Variants in BTK observed in about 807,000 individuals in gnomAD.
BTK encodes the protein tyrosine-protein kinase BTK.
BTK carries 5 observed loss-of-function variants against 57.4 expected under a neutral mutation model. That is an observed-to-expected ratio of 0.09 (90% CI 0.05 to 0.18). BTK has a LOEUF of 0.18. BTK is among the 10% of genes least tolerant of loss of function. The pLI is 1.00. For synonymous variants in BTK, 154 were observed against 174.3 expected (o/e 0.88, Z 0.92); for missense variants, 194 against 501.2 (o/e 0.39, Z 5.85).
rs782264410 is a variant in BTK at position 101,360,112 on chromosome X, G to A, written c.815C>T (p.Ala272Val). 2 of 1,205,046 alleles carry A rather than the reference G, an allele frequency of 1.7e-6. No individual in the cohort carries two copies. The highest frequency in any genetic ancestry group is 1.8e-5 in the South Asian group (1 of 56,791). ...GYIPSNYVTEAEDSIEMYEWY... is the reference protein window; with the variant it reads ...GYIPSNYVTEVEDSIEMYEWY... ...CTCATACATTTCTATGGAGTCTTCT[G>A]CTTCAGTGACATAGTTACTAGGAAT... The change falls in exon 9 of 19, where the codon GCA becomes GTA. Residue 272 changes from alanine to valine, a missense_variant. By Grantham distance (64) the Ala-to-Val change is moderately conservative (BLOSUM62 0). This residue lies in a region of BTK where 115 missense variants were observed against 258.3 expected (regional missense o/e 0.45). Coordinates refer to ENST00000308731, the MANE Select transcript of BTK (RefSeq NM_000061.3).
rs2301175 is a variant in BTK at position 101,370,305 on chromosome X, C to T, written c.310-226G>A. Among the ~76,000 whole-genome samples, 13,607 of 111,386 alleles carry T rather than the reference C, an allele frequency of 0.12. 799 individuals carry two copies. Among genetic ancestry groups the T allele is most frequent in the South Asian group, 0.27 (719 of 2,673 alleles). On this transcript the variant is annotated intron_variant, in intron 4 of 18. Transcript: ENST00000308731. ...TTAAAAGCTCTTAGAATTTTTCATA[C>T]TCTTAGGTCCTCCTGACTTGTGCTT... is the stretch of plus-strand genomic sequence containing the variant.
rs199950200 is a variant in BTK, at chrX:101,350,089, G to GA, written c.1909-134dup. 47,816 of 317,502 alleles carry GA rather than the reference G, an allele frequency of 0.15. 2,131 individuals are homozygous for GA. Among genetic ancestry groups the GA allele is most frequent in the African/African-American group, 0.34 (10,461 of 30,672 alleles). 26.2% of individuals were successfully genotyped at this position (317,502 alleles called of 1,213,427 possible). ...TAGCATGCCCTGTCGATTACAAAAG[G>GA]AAAAAAAAAAAAAAAAGAAATAGCA... On this transcript the variant is annotated intron_variant, in intron 18 of 18. Transcript: ENST00000308731.
At position 101,374,649 on chromosome X, in the gene BTK, G is replaced by A. The variant is rs1477023102; in HGVS notation, c.142-15C>T. 4.3e-6 allele frequency: 5 copies of A among 1,151,967 alleles called. No individual in the cohort carries two copies. Among genetic ancestry groups the A allele is most frequent in the Admixed American group, 2.2e-5 (1 of 45,638 alleles). 94.9% of individuals were successfully genotyped at this position (1,151,967 alleles called of 1,213,427 possible). On this transcript the variant is annotated splice_polypyrimidine_tract_variant and intron_variant, in intron 2 of 18. Transcript: ENST00000308731. ...CTGCCTCTTCTCTGAGAAGTAGAAT[G>A]AGGAAGAAAATGGAGAAAGATTAAG...
chrX:101,360,812 T>G, intron 7 of BTK, 57 bp from the exon 8 acceptor site: 1 of 1,104,660 alleles, frequency 9.1e-7, no homozygotes, highest in Non-Finnish European at 1.3e-6. Context: ...CACTCTTCTC[T>G]TCTCTCCCAA....
intron 18 of BTK, among the ~76,000 whole-genome samples, chrX:101,352,162 C>CAAAAA (rs35710840): frequency 3.7e-5 from 2 of 53,689 alleles, no homozygotes; most frequent in Admixed American, 4.4e-4. Flanking sequence ...GACTCGGTCT[C>CAAAAA]AAAAAAAAAA....
intron 18 of BTK, among the ~76,000 whole-genome samples, chrX:101,350,592 G>A (rs1199390863): frequency 5.5e-5 from 6 of 109,234 alleles, no homozygotes; most frequent in African/African-American, 3.3e-5. Context: ...GATTACAGGT[G>A]CACGCCATCA....
intron 5 of BTK, among the ~76,000 whole-genome samples, chrX:101,367,839 T>C (rs1191826395): frequency 9.0e-6 from 1 of 111,097 alleles, no homozygotes; most frequent in Non-Finnish European, 1.9e-5. Flanking sequence ...CATTTATCGA[T>C]GTGGAGCCCA....
Position 101,369,933 on chromosome X carries a change from G to A in BTK, c.391+65C>T, listed in dbSNP as rs182686557. 128 of 989,561 alleles carry A rather than the reference G, an allele frequency of 1.3e-4. No individual in the cohort carries two copies. The East Asian group carries it at 2.3e-3, about 18-fold the overall frequency. The allele number at this position is 989,561 out of a possible 1,213,427, so 81.6% of individuals were successfully genotyped here. Reference sequence around the variant, plus strand: ...CTCTTCCTTCTTTCCTTTTCCTCCCGTCTATCTCCTCTTCCTTCCTTTCCT... The same window carrying A: ...CTCTTCCTTCTTTCCTTTTCCTCCCATCTATCTCCTCTTCCTTCCTTTCCT... On this transcript the variant is annotated intron_variant, in intron 5 of 18. Coordinates refer to ENST00000308731, the MANE Select transcript of BTK (RefSeq NM_000061.3).
upstream of BTK, among the ~76,000 whole-genome samples, chrX:101,389,467 A>G (rs1927717003): frequency 9.0e-6 from 1 of 111,472 alleles, no homozygotes; most frequent in Non-Finnish European, 1.9e-5. Context: ...TGGCAAAGAA[A>G]TTTTCAGGAA....
At chrX:101,357,610 T>C (rs1037627460) in intron 12 of BTK, 27 bp from the exon 13 acceptor site, 55 of 1,163,868 alleles carry the variant, frequency 4.7e-5, no homozygotes, top group Non-Finnish European at 5.6e-5. Flanking sequence ...GGTCATGCTG[T>C]TGGTGTGGTG....
chrX:101,355,580 C>A (rs1603003920), intron 15 of BTK: 1 of 117,488 alleles, frequency 8.5e-6, no homozygotes, highest in Non-Finnish European at 1.8e-5. Context: ...CTGGAAATTC[C>A]AGGGTTTTTT....
rs1555980320 is a variant in BTK at position 101,371,651 on chromosome X, C to T, written c.291G>A (p.Arg97=). The T allele has an allele frequency of 8.3e-7, 1 of 1,208,741 alleles. No homozygotes were observed. The highest frequency in any genetic ancestry group is 1.1e-6 in the Non-Finnish European group (1 of 894,217). ...AACTCACCTGGAAGGGATAAGGGAA[C>T]CTTTCAATGATTGAAATTTGCTCCA... ...SEMEQISIIE[R]FPYPFQVVYD... Residue 97 remains arginine, a synonymous_variant, in exon 4 of 19, where the codon AGG becomes AGA. Transcript: ENST00000308731.
chrX:101,360,166 T>C lies in BTK; in HGVS notation c.777-16A>G, dbSNP rs782318276. ...GCCTTCCTGCCTGTGAAGGAAACAATGTGGCAGTTCATCCAGCACCTCCCC... is the reference window on the plus strand; with the variant it reads ...GCCTTCCTGCCTGTGAAGGAAACAACGTGGCAGTTCATCCAGCACCTCCCC... On this transcript the variant is annotated splice_polypyrimidine_tract_variant and intron_variant, in intron 8 of 18. Coordinates refer to ENST00000308731, the MANE Select transcript of BTK (RefSeq NM_000061.3). 1 of 1,178,721 alleles carries C rather than the reference T, an allele frequency of 8.5e-7. No homozygotes were observed. The highest frequency in any genetic ancestry group is 1.2e-6 in the Non-Finnish European group (1 of 867,125).
chrX:101,363,804 G>C (rs1303465861), intron 5 of BTK, among the ~76,000 whole-genome samples: 1 of 108,549 alleles, frequency 9.2e-6, no homozygotes, highest in Non-Finnish European at 1.9e-5. Flanking sequence ...GCAAACACTA[G>C]AGCAAAGACC....
In BTK at chrX:101,354,044, C is replaced by T. The variant is rs151072282; in HGVS notation, c.1632-56G>A. The T allele has an allele frequency of 7.1e-3, 6,592 of 927,132 alleles. 33 individuals carry two copies. The highest frequency in any genetic ancestry group is 0.032 in the African/African-American group (1,649 of 51,898). The allele number at this position is 927,132 out of a possible 1,213,427, so 76.4% of individuals were successfully genotyped here. ...GATTTGGAGGCTTGATATTTGCTTA[C>T]GTTTTCTTGGCACGGTCACAAGAGT... is the stretch of plus-strand genomic sequence containing the variant. On this transcript the variant is annotated intron_variant, in intron 16 of 18. Coordinates refer to ENST00000308731, the MANE Select transcript of BTK (RefSeq NM_000061.3).
chrX:101,361,819 T>C (rs1268277277), intron 7 of BTK, among the ~76,000 whole-genome samples: 5 of 111,765 alleles, frequency 4.5e-5, no homozygotes, highest in Non-Finnish European at 7.5e-5. Flanking sequence ...CACTTGAATC[T>C]GGGAGGCGGA....
At chrX:101,375,368 G>A in intron 1 of BTK, 54 bp from the exon 2 acceptor site, 1 of 1,127,717 alleles carries the variant, frequency 8.9e-7, no homozygotes, top group South Asian at 1.8e-5. Context: ...CATCCCTCTT[G>A]GTTCCCCCTC....
chrX:101,359,395 T>C (rs781846381), intron 9 of BTK, 48 bp from the exon 10 acceptor site: 40 of 1,148,884 alleles, frequency 3.5e-5, no homozygotes, highest in Non-Finnish European at 4.6e-5. Flanking sequence ...ATAAGCAGAT[T>C]GGAGGTTACA....
At chrX:101,357,249 A>G (rs1185735408) in intron 13 of BTK, among the ~76,000 whole-genome samples, 3 of 111,351 alleles carry the variant, frequency 2.7e-5, no homozygotes, top group African/African-American at 9.8e-5. Flanking sequence ...AGTACTGAAA[A>G]TTTTCCCACA....
Sources: allele counts gnomAD v4.1 joint callset (sites outside exome capture counted in the v4.1 genomes callset), GRCh38; gene constraint gnomAD v4.1.1; regional missense constraint gnomAD v4.1.1; transcripts MANE v1.5; gene names NCBI Gene and HGNC (gene_info 2026-07-23, HGNC 2026-07-21).